The following SYT1 variants were observed in gnomAD, a reference collection of about 807,000 sequenced individuals.
SYT1 encodes synaptotagmin 1.
In SYT1, 8 loss-of-function variants were observed where a neutral mutation model predicts 44.8. That is an observed-to-expected ratio of 0.18 (90% CI 0.10 to 0.32). The LOEUF (loss-of-function observed/expected upper bound fraction) is 0.32. SYT1 is among the 10% of genes least tolerant of loss of function. The probability of loss-of-function intolerance (pLI) is 1.00; values close to 1 mark genes in which losing one functional copy is unlikely to be tolerated. For missense variants in SYT1, 286 were observed against 509.3 expected, an observed-to-expected ratio of 0.56 and a Z score of 4.22; for synonymous variants, 154 against 188.8, an observed-to-expected ratio of 0.82 and a Z score of 1.51.
chr12:79,324,794 T>A (rs563227976), intron 8 of SYT1, among the ~76,000 whole-genome samples: 135 of 152,170 alleles, frequency 8.9e-4, no homozygotes, highest in Middle Eastern at 3.4e-3. Flanking sequence ...AAGCTTTTTG[T>A]GAATATTCCA....
chr12:79,268,833 A>G (rs78624566), intron 4 of SYT1, among the ~76,000 whole-genome samples: 2 of 152,334 alleles, frequency 1.3e-5, no homozygotes, highest in African/African-American at 4.8e-5. Context: ...GCAGATTTTG[A>G]TAAGTCTGTA....
intron 3 of SYT1, among the ~76,000 whole-genome samples, chr12:79,146,903 C>T (rs549217317): frequency 3.9e-5 from 6 of 152,192 alleles, no homozygotes; most frequent in South Asian, 4.2e-4. Context: ...CACAATGGCA[C>T]GATCTCAGCT....
At chr12:79,075,718 C>T (rs1309345662) in intron 3 of SYT1, among the ~76,000 whole-genome samples, 2 of 152,118 alleles carry the variant, frequency 1.3e-5, no homozygotes, top group African/African-American at 4.8e-5. Context: ...AGCAGATGCC[C>T]TTCTCTTTAG....
intron 8 of SYT1, among the ~76,000 whole-genome samples, chr12:79,324,476 C>T (rs1404743988): frequency 6.6e-6 from 1 of 152,168 alleles, no homozygotes; most frequent in African/African-American, 2.4e-5. Context: ...CAAGAACACA[C>T]ACACTGAGTG....
At chr12:79,284,646 G>A (rs889883708) in intron 4 of SYT1, among the ~76,000 whole-genome samples, 2 of 151,890 alleles carry the variant, frequency 1.3e-5, no homozygotes, top group Non-Finnish European at 2.9e-5. Flanking sequence ...GACCATCCTG[G>A]CCAACATGGT....
chr12:79,440,697 G>A lies in SYT1; in HGVS notation c.929-3376G>A, dbSNP rs112100317. 2.0e-4 allele frequency among the ~76,000 whole-genome samples: 30 copies of A among 152,056 alleles called. 1 individual carries two copies. Among genetic ancestry groups the A allele is most frequent in the African/African-American group, 7.0e-4 (29 of 41,472 alleles). On this transcript the variant is annotated intron_variant, in intron 9 of 10. Coordinates refer to ENST00000261205, the MANE Select transcript of SYT1 (RefSeq NM_005639.3). ...CCACCAAGAGACTGACAAGGATTTC[G>A]CTTTGCAGAACAACCCCTAAAACAG...
At chr12:79,094,594 G>A (rs937468579) in intron 3 of SYT1, among the ~76,000 whole-genome samples, 1 of 151,864 alleles carries the variant, frequency 6.6e-6, no homozygotes, top group East Asian at 1.9e-4. Context: ...AATTTATGAA[G>A]TATTAACCAA....
chr12:79,189,651 C>G (rs1477551493), intron 3 of SYT1, among the ~76,000 whole-genome samples: 1 of 152,110 alleles, frequency 6.6e-6, no homozygotes, highest in Admixed American at 6.6e-5. Context: ...CACCTGTAAT[C>G]CCAGCACTTT....
chr12:78,941,410 C>G (rs1250361455), intron 1 of SYT1, among the ~76,000 whole-genome samples: 3 of 120,260 alleles, frequency 2.5e-5, no homozygotes, highest in African/African-American at 8.1e-5. Flanking sequence ...CACACACACA[C>G]ACACACACAC....
chr12:79,310,642 C>T lies in SYT1; in HGVS notation c.810+11091C>T, dbSNP rs533491215. On this transcript the variant is annotated intron_variant, in intron 8 of 10. Coordinates refer to ENST00000261205, the MANE Select transcript of SYT1 (RefSeq NM_005639.3). ...TTTCATGATATTGATTCTTCCTACC[C>T]GTGAGCATGGAATGTTCTTCCATTT... 1.4e-3 allele frequency among the ~76,000 whole-genome samples: 217 copies of T among 152,310 alleles called. 1 individual carries two copies. The highest frequency in any genetic ancestry group is 3.5e-3 in the South Asian group (17 of 4,824).
intron 3 of SYT1, among the ~76,000 whole-genome samples, chr12:79,135,231 C>T (rs1592780279): frequency 3.3e-5 from 5 of 151,718 alleles, no homozygotes; most frequent in East Asian, 3.9e-4. Context: ...TTAGGTATAT[C>T]TCCTAATGCT....
intron 1 of SYT1, among the ~76,000 whole-genome samples, chr12:78,918,074 T>C (rs1876769228): frequency 6.6e-6 from 1 of 152,076 alleles, no homozygotes; most frequent in Admixed American, 6.6e-5. Flanking sequence ...AATGCCAGGA[T>C]TTTTTTAAGG....
chr12:78,893,295 T>C (rs1237004777), intron 1 of SYT1, among the ~76,000 whole-genome samples: 1 of 151,840 alleles, frequency 6.6e-6, no homozygotes, highest in Middle Eastern at 3.2e-3. Context: ...GGATTAGCAC[T>C]GACTGTAAAG....
chr12:79,267,235 G>A (rs1878182272), intron 4 of SYT1, among the ~76,000 whole-genome samples: 1 of 152,038 alleles, frequency 6.6e-6, no homozygotes, highest in Admixed American at 6.6e-5. Flanking sequence ...TATCATAATT[G>A]AATTTAATCT....
intron 8 of SYT1, 117 bp from the exon 9 acceptor site, chr12:79,353,385 C>A (rs12300606): frequency 0.028 from 21,850 of 786,566 alleles, 455 homozygotes; most frequent in Middle Eastern, 0.062. Context: ...AATGGACCTA[C>A]AATTTTCAAA....
chr12:79,427,003 C>T (rs1162441789), intron 9 of SYT1, among the ~76,000 whole-genome samples: 1 of 152,190 alleles, frequency 6.6e-6, no homozygotes, highest in Non-Finnish European at 1.5e-5. Context: ...GACGTATTTG[C>T]TTCCCCTTCT....
chr12:79,377,370 C>G (rs1265225190), intron 9 of SYT1, among the ~76,000 whole-genome samples: 1 of 152,206 alleles, frequency 6.6e-6, no homozygotes, highest in African/African-American at 2.4e-5. Context: ...CTTGGCCTCC[C>G]AAAGTTCTAG....
chr12:79,026,693 AT>A (rs1277365273), intron 2 of SYT1, among the ~76,000 whole-genome samples: 3 of 140,092 alleles, frequency 2.1e-5, no homozygotes, highest in African/African-American at 7.9e-5. Context: ...ATATATATAT[AT>A]ATATATATCA....
At chr12:79,412,988 A>G (rs918316876) in intron 9 of SYT1, among the ~76,000 whole-genome samples, 45 of 152,298 alleles carry the variant, frequency 3.0e-4, no homozygotes, top group African/African-American at 1.1e-3. Flanking sequence ...TATTGTGGAA[A>G]GATATGAGAG....
Sources: gnomAD v4.1 joint callset for allele counts (sites outside exome capture counted in the v4.1 genomes callset) on GRCh38, gnomAD v4.1.1 for gene constraint, MANE v1.5 for transcripts, NCBI Gene and HGNC (gene_info 2026-07-23, HGNC 2026-07-21) for gene names.